ZDBF2: variants seen among roughly 807,000 people sequenced by gnomAD.
ZDBF2 encodes DBF4-type zinc finger-containing protein 2.
In ZDBF2, 6 loss-of-function variants were observed where a neutral mutation model predicts 9.4. The ratio of observed to expected loss-of-function variants is 0.64; its 90% CI spans 0.35 to 1.27. The LOEUF (loss-of-function observed/expected upper bound fraction) is 1.27. Among genes scored for constraint, ZDBF2 ranks in the 50% most tolerant of loss-of-function variants. The probability of loss-of-function intolerance (pLI) is 0.03; values close to 1 mark genes in which losing one functional copy is unlikely to be tolerated. For missense variants in ZDBF2, 2,697 were observed against 2,766.8 expected, an observed-to-expected ratio of 0.97 and a Z score of 0.57; for synonymous variants, 905 against 946.3, an observed-to-expected ratio of 0.96 and a Z score of 0.80.
chr2:206,304,837 C>G lies in ZDBF2; in HGVS notation c.309C>G (p.Thr103=), dbSNP rs895749018. ...DEDKVEDEDA[T]EERPSEVSEP... Reference sequence around the variant, plus strand: ...ATAAGGTTGAGGATGAGGATGCTACCGAAGAGAGACCATCCGAGGTTTCAG... The same window carrying G: ...ATAAGGTTGAGGATGAGGATGCTACGGAAGAGAGACCATCCGAGGTTTCAG... The change falls in exon 5 of 5, where the codon ACC becomes ACG. Residue 103 remains threonine, a synonymous_variant. Coordinates refer to ENST00000374423, the MANE Select transcript of ZDBF2 (RefSeq NM_020923.3). 5.6e-6 allele frequency: 9 copies of G among 1,613,384 alleles called. No homozygotes were observed. The African/African-American group carries it at 1.2e-4, about 22-fold the overall frequency.
chr2:206,307,215 C>T lies in ZDBF2; in HGVS notation c.2687C>T (p.Pro896Leu), dbSNP rs749493931. 1 of 1,611,308 alleles carries T rather than the reference C, an allele frequency of 6.2e-7. No individual in the cohort carries two copies. The highest frequency in any genetic ancestry group is 1.3e-5 in the African/African-American group (1 of 74,758). The change falls in exon 5 of 5, where the codon CCT becomes CTT. Residue 896 changes from proline to leucine, a missense_variant. This residue lies in a region of ZDBF2 where 1,783 missense variants were observed against 1,776.5 expected (regional missense o/e 1.00). Coordinates refer to ENST00000374423, the MANE Select transcript of ZDBF2 (RefSeq NM_020923.3). ...GAAGTAGCTGTTAAAAAGCTAAATCCTCAAAAAGAAGAGCAGGTACACTTA... is the reference window on the plus strand; with the variant it reads ...GAAGTAGCTGTTAAAAAGCTAAATCTTCAAAAAGAAGAGCAGGTACACTTA... ...SPEVAVKKLN[P>L]QKEEQVHLEN... is the part of the protein sequence containing the mutation.
intron 4 of ZDBF2, among the ~76,000 whole-genome samples, chr2:206,302,583 G>A (rs1233835468): frequency 1.3e-5 from 2 of 151,774 alleles, no homozygotes; most frequent in Admixed American, 6.6e-5. Context: ...TTTATTTTGA[G>A]AATGTTGTGA....
In ZDBF2 at chr2:206,305,489, A is replaced by G. The variant is rs774286201; in HGVS notation, c.961A>G (p.Ile321Val). 4 of 1,612,812 alleles carry G rather than the reference A, an allele frequency of 2.5e-6. No individual in the cohort carries two copies. The highest frequency in any genetic ancestry group is 3.4e-6 in the Non-Finnish European group (4 of 1,179,590). Reference sequence around the variant, plus strand: ...AACTGACATGCCTTCTAATAAAGGAATCTTTGAAGATACTATTGCAAAGAA... The same window carrying G: ...AACTGACATGCCTTCTAATAAAGGAGTCTTTGAAGATACTATTGCAAAGAA... ...NKTDMPSNKGIFEDTIAKNHE... is the reference protein window; with the variant it reads ...NKTDMPSNKGVFEDTIAKNHE... The change falls in exon 5 of 5, where the codon ATC (isoleucine) becomes GTC (valine). Residue 321 changes from isoleucine to valine, a missense_variant. Ile to Val is a conservative substitution (Grantham distance 29). Around this residue, in one of 3 missense-constraint regions of ZDBF2, gnomAD observed 910 missense variants for 973.6 expected, o/e 0.93. Transcript: ENST00000374423.
In ZDBF2 at chr2:206,311,193, T is replaced by G; in HGVS notation, c.6665T>G (p.Ile2222Ser). ...SIWIRTKPSD[I>S]IRKYISKYSV... ...TGGATTCGGACCAAACCAAGTGATATCATTAGAAAGTATATTTCGAAATAC... is the reference window on the plus strand; with the variant it reads ...TGGATTCGGACCAAACCAAGTGATAGCATTAGAAAGTATATTTCGAAATAC... The change falls in exon 5 of 5, where the codon ATC becomes AGC. Residue 2222 changes from isoleucine to serine, a missense_variant. Coordinates refer to ENST00000374423, the MANE Select transcript of ZDBF2 (RefSeq NM_020923.3). 1 of 1,612,696 alleles carries G rather than the reference T, an allele frequency of 6.2e-7. No homozygotes were observed. Among genetic ancestry groups the G allele is most frequent in the Non-Finnish European group, 8.5e-7 (1 of 1,179,582 alleles).
chr2:206,296,588 G>A (rs1407389115), intron 3 of ZDBF2, among the ~76,000 whole-genome samples: 1 of 152,126 alleles, frequency 6.6e-6, no homozygotes, highest in Non-Finnish European at 1.5e-5. Context: ...ATCCACTGGG[G>A]GTCTTGGAAC....
At chr2:206,282,845 G>C (rs1247550123) in intron 3 of ZDBF2, among the ~76,000 whole-genome samples, 2 of 152,158 alleles carry the variant, frequency 1.3e-5, no homozygotes, top group African/African-American at 4.8e-5. Flanking sequence ...AGGAAACCCT[G>C]TACGCACTGA....
intron 3 of ZDBF2, among the ~76,000 whole-genome samples, chr2:206,287,103 A>T (rs1691643244): frequency 6.6e-6 from 1 of 151,706 alleles, no homozygotes; most frequent in African/African-American, 2.4e-5. Context: ...TGGGGTACAG[A>T]TTTGCTCTTT....
At chr2:206,301,393 T>C (rs1159995606) in intron 4 of ZDBF2, among the ~76,000 whole-genome samples, 4 of 152,278 alleles carry the variant, frequency 2.6e-5, no homozygotes, top group Non-Finnish European at 4.4e-5. Context: ...GCCTTTTTCT[T>C]CATGCCTTTG....
chr2:206,284,051 G>T (rs928207714), intron 3 of ZDBF2, among the ~76,000 whole-genome samples: 4 of 152,128 alleles, frequency 2.6e-5, no homozygotes, highest in African/African-American at 9.7e-5. Flanking sequence ...CAGAAGGGTT[G>T]CCTAATCTCA....
At chr2:206,275,138 G>A (rs1690915955) in intron 1 of ZDBF2, among the ~76,000 whole-genome samples, 192 bp downstream of exon 1, 2 of 152,136 alleles carry the variant, frequency 1.3e-5, no homozygotes, top group Non-Finnish European at 2.9e-5. Context: ...AGAGGTGTCG[G>A]CGGCTCCGGG....
Position 206,308,928 on chromosome 2 carries a change from A to T in ZDBF2, c.4400A>T (p.Asp1467Val). 2 of 1,613,206 alleles carry T rather than the reference A, an allele frequency of 1.2e-6. No homozygotes were observed. Among genetic ancestry groups the T allele is most frequent in the Non-Finnish European group, 1.7e-6 (2 of 1,179,498 alleles). Reference sequence around the variant, plus strand: ...TGTGTTCATCTTCAGTCAGAAGTTGACCAACCTCAAGTGTCTTACAAAGAG... The same window carrying T: ...TGTGTTCATCTTCAGTCAGAAGTTGTCCAACCTCAAGTGTCTTACAAAGAG... ...HSCVHLQSEV[D>V]QPQVSYKEAD... The change falls in exon 5 of 5, where the codon GAC becomes GTC. Residue 1467 changes from aspartate to valine, a missense_variant. Asp to Val is a radical substitution (Grantham distance 152). Coordinates refer to ENST00000374423, the MANE Select transcript of ZDBF2 (RefSeq NM_020923.3).
At chr2:206,299,418 C>G (rs1451199358) in intron 4 of ZDBF2, among the ~76,000 whole-genome samples, 2 of 151,852 alleles carry the variant, frequency 1.3e-5, no homozygotes, top group Non-Finnish European at 1.5e-5. Context: ...CGCCTGTAAT[C>G]CCAGCACTTT....
rs918453910 is a variant in ZDBF2, at chr2:206,310,279, C to A, written c.5751C>A (p.Cys1917Ter). ...DDLSVALDKPCHRHPPAERPP... is the reference protein window; with the variant it reads ...DDLSVALDKP ...TGTCAGTGGCCTTAGATAAACCATG[C>A]CATCGTCATCCTCCAGCAGAGAGGC... The change falls in exon 5 of 5, where the codon TGC becomes TGA. Residue 1917 changes from cysteine to a stop codon, truncating the protein, a stop_gained. Transcript: ENST00000374423. LOFTEE classifies it low-confidence loss of function (END_TRUNC). The A allele has an allele frequency of 6.2e-7, 1 of 1,613,800 alleles. No individual in the cohort carries two copies. Among genetic ancestry groups the A allele is most frequent in the Non-Finnish European group, 8.5e-7 (1 of 1,179,888 alleles).
intron 4 of ZDBF2, among the ~76,000 whole-genome samples, chr2:206,299,390 G>A (rs1310524202): frequency 1.3e-5 from 2 of 151,928 alleles, no homozygotes; most frequent in African/African-American, 4.8e-5. Flanking sequence ...ACCACAGAGG[G>A]CCAGGTGCGG....
chr2:206,275,845 T>A (rs1574368341), intron 1 of ZDBF2, among the ~76,000 whole-genome samples: 2 of 152,212 alleles, frequency 1.3e-5, no homozygotes, highest in African/African-American at 4.8e-5. Flanking sequence ...AAGGGGTGTT[T>A]ATTTGCTTTT....
chr2:206,305,949 T>C lies in ZDBF2; in HGVS notation c.1421T>C (p.Leu474Pro). The C allele has an allele frequency of 1.9e-6, 3 of 1,613,394 alleles. No homozygotes were observed. Among genetic ancestry groups the C allele is most frequent in the Non-Finnish European group, 2.5e-6 (3 of 1,179,626 alleles). ...QSQMIVKEIS[L>P]QNARHISLVD... is the part of the protein sequence containing the mutation. ...CAAATGATTGTTAAAGAAATAAGTC[T>C]TCAGAATGCAAGGCATATTAGCCTG... Residue 474 changes from leucine (L) to proline (P), a missense_variant, in exon 5 of 5, where the codon CTT becomes CCT. By Grantham distance (98) the Leu-to-Pro change is moderately conservative. Around this residue, in one of 3 missense-constraint regions of ZDBF2, gnomAD observed 910 missense variants for 973.6 expected, o/e 0.93. Transcript: ENST00000374423.
chr2:206,310,472 A>G lies in ZDBF2; in HGVS notation c.5944A>G (p.Lys1982Glu), dbSNP rs1345196407. 2.6e-5 allele frequency: 42 copies of G among 1,613,634 alleles called. No individual in the cohort carries two copies. The highest frequency in any genetic ancestry group is 4.5e-5 in the East Asian group (2 of 44,892). ...ACGTTTACAGGATGACAGAAAAACC[A>G]AAAAGAAAGTCAAAATTGGGACAGT... ...CSRLQDDRKT[K>E]KKVKIGTVEF... The change falls in exon 5 of 5, where the codon AAA becomes GAA. Residue 1982 changes from lysine (K) to glutamate (E), a missense_variant. This residue lies in a region of ZDBF2 where 1,783 missense variants were observed against 1,776.5 expected (regional missense o/e 1.00). Transcript: ENST00000374423.
At position 206,308,940 on chromosome 2, in the gene ZDBF2, T is replaced by G. The variant is rs778487098; in HGVS notation, c.4412T>G (p.Val1471Gly). The G allele has an allele frequency of 5.0e-6, 8 of 1,613,468 alleles. No individual in the cohort carries two copies. The highest frequency in any genetic ancestry group is 5.1e-6 in the Non-Finnish European group (6 of 1,179,640). Residue 1471 changes from valine (V) to glycine (G), a missense_variant, in exon 5 of 5, where the codon GTG becomes GGG. Around this residue, in one of 3 missense-constraint regions of ZDBF2, gnomAD observed 1,783 missense variants for 1,776.5 expected, o/e 1.00. Transcript: ENST00000374423. ...HLQSEVDQPQ[V>G]SYKEADLQKE... Reference sequence around the variant, plus strand: ...CAGTCAGAAGTTGACCAACCTCAAGTGTCTTACAAAGAGGCAGACCTTCAG... The same window carrying G: ...CAGTCAGAAGTTGACCAACCTCAAGGGTCTTACAAAGAGGCAGACCTTCAG...
At chr2:206,301,804 C>T (rs1692513690) in intron 4 of ZDBF2, among the ~76,000 whole-genome samples, 1 of 151,674 alleles carries the variant, frequency 6.6e-6, no homozygotes, top group South Asian at 2.1e-4. Context: ...TGTATTTCGT[C>T]TACCTTTTTA....
Sources: allele counts gnomAD v4.1 joint callset (sites outside exome capture counted in the v4.1 genomes callset), GRCh38; gene constraint gnomAD v4.1.1; regional missense constraint gnomAD v4.1.1; transcripts MANE v1.5; gene names NCBI Gene and HGNC (gene_info 2026-07-23, HGNC 2026-07-21).